Variants in NRG3 observed in about 807,000 individuals in gnomAD.
NRG3 encodes pro-neuregulin-3, membrane-bound isoform.
Under a neutral mutation model 66.9 loss-of-function variants are expected in NRG3, and 31 were observed. That is an observed-to-expected ratio of 0.46 (90% CI 0.35 to 0.63). The LOEUF is 0.63. Ranked by LOEUF, NRG3 falls within the 20% of genes least tolerant of loss-of-function variation. NRG3 has a pLI of 0.00. For missense variants in NRG3, 910 were observed against 878.9 expected, an observed-to-expected ratio of 1.04 and a Z score of -0.45; for synonymous variants, 393 against 359.4, an observed-to-expected ratio of 1.09 and a Z score of -1.06.
chr10:82,427,809 T>C (rs1429596341), intron 2 of NRG3, among the ~76,000 whole-genome samples: 1 of 152,118 alleles, frequency 6.6e-6, no homozygotes, highest in African/African-American at 2.4e-5. Flanking sequence ...AAACATTTGG[T>C]AGATTTTATC....
At chr10:82,176,878 A>AGGACAC (rs2073069490) in intron 1 of NRG3, among the ~76,000 whole-genome samples, 2 of 44,046 alleles carry the variant, frequency 4.5e-5, no homozygotes, top group African/African-American at 2.5e-4. Context: ...TTTTTAAAAC[A>AGGACAC]AGACACACAC....
At chr10:82,836,543 C>T (rs1374490707) in intron 3 of NRG3, among the ~76,000 whole-genome samples, 1 of 152,096 alleles carries the variant, frequency 6.6e-6, no homozygotes, top group East Asian at 1.9e-4. Context: ...AATAACTGAA[C>T]ACAATACCTT....
At chr10:82,317,688 G>A (rs1043143745) in intron 1 of NRG3, among the ~76,000 whole-genome samples, 3 of 152,186 alleles carry the variant, frequency 2.0e-5, no homozygotes, top group African/African-American at 7.2e-5. Context: ...GGCATCACAG[G>A]TGGTTTATGT....
At chr10:81,881,476 C>T (rs1842176388) in intron 1 of NRG3, among the ~76,000 whole-genome samples, 1 of 152,072 alleles carries the variant, frequency 6.6e-6, no homozygotes, top group African/African-American at 2.4e-5. Context: ...GATTGGTATA[C>T]AAATCATATT....
At chr10:81,882,665 G>C (rs191852230) in intron 1 of NRG3, among the ~76,000 whole-genome samples, 1 of 152,172 alleles carries the variant, frequency 6.6e-6, no homozygotes, top group Non-Finnish European at 1.5e-5. Flanking sequence ...GAAGTAGATA[G>C]ACTGGTTATT....
intron 1 of NRG3, among the ~76,000 whole-genome samples, chr10:82,007,918 CT>C (rs1197362293): frequency 2.0e-5 from 3 of 151,382 alleles, no homozygotes; most frequent in Non-Finnish European, 4.4e-5. Context: ...ATTAAATTGA[CT>C]TTCTTTTTCA....
intron 1 of NRG3, among the ~76,000 whole-genome samples, chr10:81,960,443 T>C (rs1850248173): frequency 6.6e-6 from 1 of 152,188 alleles, no homozygotes; most frequent in Non-Finnish European, 1.5e-5. Context: ...TTGCATTTTC[T>C]GATTTCTTCC....
intron 2 of NRG3, among the ~76,000 whole-genome samples, chr10:82,583,821 A>G (rs2046507635): frequency 1.3e-5 from 2 of 152,136 alleles, no homozygotes; most frequent in Non-Finnish European, 2.9e-5. Context: ...TTCAAATCAC[A>G]TAGCTGGTCT....
At chr10:82,970,132 T>C (rs1851591150) in intron 6 of NRG3, among the ~76,000 whole-genome samples, 1 of 152,208 alleles carries the variant, frequency 6.6e-6, no homozygotes, top group Non-Finnish European at 1.5e-5. Context: ...TATTTTGAAC[T>C]TTTGCAATTA....
intron 2 of NRG3, among the ~76,000 whole-genome samples, chr10:82,554,935 TCTGCTGTTATACTTTGTGTTTGCCTCC>T (rs2044552060): frequency 6.6e-6 from 1 of 152,282 alleles, no homozygotes; most frequent in African/African-American, 2.4e-5. Context: ...CCTCATGCTG[TCTGCTGTTATACTTTGTGTTTGCCTCC>T]CTGCAGTGGC....
At chr10:82,738,759 A>G in intron 3 of NRG3, 109 bp downstream of exon 3, 1 of 964,112 alleles carries the variant, frequency 1.0e-6, no homozygotes, top group Non-Finnish European at 1.6e-6. Context: ...TGTCTCTGAA[A>G]GCTGCCAAGG....
intron 1 of NRG3, among the ~76,000 whole-genome samples, chr10:81,923,343 C>A (rs1390361787): frequency 6.6e-6 from 1 of 151,796 alleles, no homozygotes; most frequent in Non-Finnish European, 1.5e-5. Flanking sequence ...GTAGCTGGGA[C>A]TACAGGCGCC....
intron 1 of NRG3, chr10:82,340,723 T>C (rs1453315813): frequency 6.6e-6 from 1 of 152,180 alleles, no homozygotes; most frequent in Non-Finnish European, 1.5e-5. Context: ...CCCCCCAATA[T>C]CTACTTTGCA....
chr10:82,919,192 A>G lies in NRG3; in HGVS notation c.1055-32277A>G, dbSNP rs1002351310. Among the ~76,000 whole-genome samples the G allele has an allele frequency of 2.6e-5, 4 of 151,952 alleles. 1 individual carries two copies. Among genetic ancestry groups the G allele is most frequent in the African/African-American group, 9.7e-5 (4 of 41,362 alleles). ...AACTTTAGAATGAGAAAGTTGCATA[A>G]TTGAGATGAGAACCTACCACTGTCT... On this transcript the variant is annotated intron_variant, in intron 4 of 8. Coordinates refer to ENST00000372141, the MANE Select transcript of NRG3 (RefSeq NM_001010848.4).
In NRG3 at chr10:82,376,296, G is replaced by A. The variant is rs1283394861; in HGVS notation, c.953+17428G>A. On this transcript the variant is annotated intron_variant, in intron 2 of 8. Coordinates refer to ENST00000372141, the MANE Select transcript of NRG3 (RefSeq NM_001010848.4). ...CAAACAAATTTGGATCTCTGTAAGT[G>A]GGACTAAGGCATTTGTCTTTTAAAG... Among the ~76,000 whole-genome samples, 5 of 152,164 alleles carry A rather than the reference G, an allele frequency of 3.3e-5. No individual in the cohort carries two copies. The South Asian group carries it at 6.2e-4, about 19-fold the overall frequency.
At chr10:82,831,242 C>G (rs1000213620) in intron 3 of NRG3, among the ~76,000 whole-genome samples, 25 of 152,202 alleles carry the variant, frequency 1.6e-4, no homozygotes, top group African/African-American at 6.0e-4. Context: ...CCTCAGCAGC[C>G]CTGAGCCAGG....
intron 3 of NRG3, among the ~76,000 whole-genome samples, chr10:82,853,027 G>T (rs1195626696): frequency 1.3e-5 from 2 of 152,112 alleles, no homozygotes; most frequent in Non-Finnish European, 2.9e-5. Context: ...GGCCTGGTTT[G>T]ACTGAGGTGT....
chr10:82,917,898 T>C (rs1845997723), intron 4 of NRG3, among the ~76,000 whole-genome samples: 1 of 150,646 alleles, frequency 6.6e-6, no homozygotes, highest in South Asian at 2.1e-4. Flanking sequence ...CCCTTTATAT[T>C]GGATTAAAAT....
rs536179188 is a variant in NRG3 at position 82,593,248 on chromosome 10, GA to G, written c.954-145325del. 1.6e-4 allele frequency among the ~76,000 whole-genome samples: 25 copies of G among 152,270 alleles called. No homozygotes were observed. The South Asian group carries it at 5.0e-3, about 30-fold the overall frequency. ...GGAAGTTCTCTACTGAAGGGTCTGT[GA>G]AAATTTGTTGCCCCATGGGGCTGGA... On this transcript the variant is annotated intron_variant, in intron 2 of 8. Coordinates refer to ENST00000372141, the MANE Select transcript of NRG3 (RefSeq NM_001010848.4).
Sources: allele counts gnomAD v4.1 joint callset (sites outside exome capture counted in the v4.1 genomes callset), GRCh38; gene constraint gnomAD v4.1.1; transcripts MANE v1.5; gene names NCBI Gene and HGNC (gene_info 2026-07-23, HGNC 2026-07-21).